The following CSMD3 variants were observed in gnomAD, a reference collection of about 807,000 sequenced individuals.
CSMD3 encodes the protein CUB and sushi domain-containing protein 3.
A neutral mutation model predicts 435.2 loss-of-function variants in CSMD3; 177 were observed. That is an observed-to-expected ratio of 0.41 (90% confidence interval 0.36 to 0.46). CSMD3 has a LOEUF of 0.46. Ranked by LOEUF, CSMD3 falls within the 20% of genes least tolerant of loss-of-function variation. CSMD3 has a pLI of 0.34. For missense variants in CSMD3, 4,265 were observed against 4,504.6 expected (o/e 0.95, Z 1.52); for synonymous variants, 1,656 against 1,520.5 (o/e 1.09, Z -2.07).
At chr8:112,252,342 G>C (rs1460708696) in intron 63 of CSMD3, among the ~76,000 whole-genome samples, 2 of 151,876 alleles carry the variant, frequency 1.3e-5, no homozygotes, top group Non-Finnish European at 2.9e-5. Flanking sequence ...TGGCCAATCT[G>C]CGGAGAGAAA....
intron 11 of CSMD3, among the ~76,000 whole-genome samples, chr8:112,845,008 A>C (rs62516545): frequency 6.6e-6 from 1 of 151,920 alleles, no homozygotes; most frequent in African/African-American, 2.4e-5. Context: ...GGTATACCCA[A>C]TGGTTAGTAG....
chr8:112,391,034 A>G (rs953709573), intron 35 of CSMD3, among the ~76,000 whole-genome samples: 5 of 152,182 alleles, frequency 3.3e-5, no homozygotes, highest in African/African-American at 1.2e-4. Flanking sequence ...AATTAACTCA[A>G]TAACAGCATA....
At chr8:112,917,309 C>A (rs531496344) in intron 10 of CSMD3, among the ~76,000 whole-genome samples, 1 of 151,808 alleles carries the variant, frequency 6.6e-6, no homozygotes, top group Non-Finnish European at 1.5e-5. Flanking sequence ...GTGGCAAAGA[C>A]AGTAATTGTA....
At chr8:112,430,703 G>A (rs1813571576) in intron 32 of CSMD3, among the ~76,000 whole-genome samples, 1 of 152,036 alleles carries the variant, frequency 6.6e-6, no homozygotes, top group Non-Finnish European at 1.5e-5. Flanking sequence ...CCAAGCATTA[G>A]TAAGTTTCAG....
intron 61 of CSMD3, among the ~76,000 whole-genome samples, chr8:112,259,987 C>G (rs1816224847): frequency 6.6e-6 from 1 of 152,150 alleles, no homozygotes; most frequent in South Asian, 2.1e-4. Context: ...AGTACCCTCT[C>G]TGTGTGTCAT....
At chr8:113,213,761 C>T (rs1014930488) in intron 3 of CSMD3, among the ~76,000 whole-genome samples, 1 of 152,004 alleles carries the variant, frequency 6.6e-6, no homozygotes, top group African/African-American at 2.4e-5. Context: ...GCTTATAGTT[C>T]TCTATACTTA....
chr8:113,332,696 C>T (rs191286778), intron 1 of CSMD3, among the ~76,000 whole-genome samples: 54 of 151,730 alleles, frequency 3.6e-4, no homozygotes, highest in South Asian at 1.9e-3. Flanking sequence ...GGCAAATACA[C>T]TCCAGACTGA....
intron 12 of CSMD3, among the ~76,000 whole-genome samples, chr8:112,801,916 C>T (rs1251929732): frequency 6.6e-6 from 1 of 151,872 alleles, no homozygotes; most frequent in Non-Finnish European, 1.5e-5. Flanking sequence ...AAGTATTGCT[C>T]TTTTTTACAT....
Position 112,666,363 on chromosome 8 carries a change from T to C in CSMD3, c.2730A>G (p.Gly910=), listed in dbSNP as rs1028461034. 21 of 1,612,528 alleles carry C rather than the reference T, an allele frequency of 1.3e-5. No homozygotes were observed. The highest frequency in any genetic ancestry group is 1.7e-5 in the Non-Finnish European group (20 of 1,179,110). The change falls in exon 17 of 71, where the codon GGA becomes GGG. Residue 910 remains glycine (G), a synonymous_variant. Coordinates refer to ENST00000297405, the MANE Select transcript of CSMD3 (RefSeq NM_198123.2). ...AAGAGTCTTTGTAGTATCCTGGCCATCCTGGTGAGAGAATCACTCCACTGG... is the reference window on the plus strand; with the variant it reads ...AAGAGTCTTTGTAGTATCCTGGCCACCCTGGTGAGAGAATCACTCCACTGG... ...SAPSGVILSP[G]WPGYYKDSLN...
rs147640061 is a variant in CSMD3 at position 112,682,458 on chromosome 8, C to A, written c.2661G>T (p.Leu887=). 2.5e-6 allele frequency: 4 copies of A among 1,611,788 alleles called. No individual in the cohort carries two copies. In the African/African-American group the frequency reaches 4.0e-5, roughly 16 times the overall value. ...TACACTTACCTCCACATTTTGGAAT[C>A]AGTCCACTCCACATTACTTTTCCAT... ...LMDGKVMWSG[L]IPKCGAPCGG... The change falls in exon 16 of 71, where the codon CTG becomes CTT. Residue 887 remains leucine (L), a synonymous_variant. Transcript: ENST00000297405.
At chr8:112,623,891 TA>T (rs1834275487) in intron 22 of CSMD3, among the ~76,000 whole-genome samples, 1 of 152,026 alleles carries the variant, frequency 6.6e-6, no homozygotes, top group African/African-American at 2.4e-5. Context: ...AATTAATGAA[TA>T]GATGAGTGAA....
At chr8:112,295,009 G>A (rs1820129012) in intron 54 of CSMD3, among the ~76,000 whole-genome samples, 1 of 151,992 alleles carries the variant, frequency 6.6e-6, no homozygotes, top group African/African-American at 2.4e-5. Context: ...CACCTGAGGA[G>A]TATACACTGT....
chr8:112,344,192 T>C (rs959911727), intron 41 of CSMD3, among the ~76,000 whole-genome samples: 3 of 152,268 alleles, frequency 2.0e-5, no homozygotes, highest in Non-Finnish European at 4.4e-5. Flanking sequence ...TGGTTACTTA[T>C]CTTTAAAGCT....
chr8:112,443,149 A>G (rs1815224098), intron 32 of CSMD3, among the ~76,000 whole-genome samples: 1 of 152,150 alleles, frequency 6.6e-6, no homozygotes, highest in Admixed American at 6.5e-5. Context: ...TGCAAAGTGG[A>G]GTGTTTAAGA....
intron 41 of CSMD3, among the ~76,000 whole-genome samples, chr8:112,344,619 T>A (rs1174720282): frequency 6.6e-6 from 1 of 152,198 alleles, no homozygotes; most frequent in Non-Finnish European, 1.5e-5. Context: ...GAGTATCTAT[T>A]CATCCTAGTC....
At chr8:112,744,617 T>A (rs1220285721) in intron 13 of CSMD3, among the ~76,000 whole-genome samples, 1 of 152,024 alleles carries the variant, frequency 6.6e-6, no homozygotes, top group African/African-American at 2.4e-5. Flanking sequence ...TATAGAGATT[T>A]TTTTTTCTAT....
At chr8:113,283,159 C>A (rs1351769351) in intron 2 of CSMD3, among the ~76,000 whole-genome samples, 3 of 151,918 alleles carry the variant, frequency 2.0e-5, no homozygotes, top group East Asian at 1.9e-4. Context: ...AAAACTCTTG[C>A]AGACATTGGC....
chr8:112,491,516 G>A (rs1455394686), intron 31 of CSMD3, among the ~76,000 whole-genome samples: 1 of 151,914 alleles, frequency 6.6e-6, no homozygotes, highest in East Asian at 1.9e-4. Flanking sequence ...TGGGTGTGGT[G>A]GTGTGCACCT....
intron 24 of CSMD3, among the ~76,000 whole-genome samples, chr8:112,569,602 A>G (rs1046437138): frequency 1.3e-5 from 2 of 152,104 alleles, no homozygotes; most frequent in African/African-American, 4.8e-5. Context: ...TAATCAGACA[A>G]TGGCAAGTGT....
Sources: gnomAD v4.1 joint callset for allele counts (sites outside exome capture counted in the v4.1 genomes callset) on GRCh38, gnomAD v4.1.1 for gene constraint, MANE v1.5 for transcripts, NCBI Gene and HGNC (gene_info 2026-07-23, HGNC 2026-07-21) for gene names.